SOWAHC: variants seen among roughly 807,000 people sequenced by gnomAD.
SOWAHC encodes the protein ankyrin repeat domain-containing protein SOWAHC.
A neutral mutation model predicts 14.4 loss-of-function variants in SOWAHC; 12 were observed. That is an observed-to-expected ratio of 0.83 (90% confidence interval 0.53 to 1.35). The LOEUF (loss-of-function observed/expected upper bound fraction) is 1.35, where lower values mean the gene tolerates loss of function less well. SOWAHC is among the 40% of genes most tolerant of loss of function. The probability of loss-of-function intolerance (pLI) is 0.00; values close to 1 mark genes in which losing one functional copy is unlikely to be tolerated. For synonymous variants in SOWAHC, 398 were observed against 347.0 expected (o/e 1.15, Z -1.63); for missense variants, 771 against 752.8 (o/e 1.02, Z -0.28).
At position 109,614,723 on chromosome 2, in the gene SOWAHC, C is replaced by T. The variant is rs1381784273; in HGVS notation, c.234C>T (p.His78=). The T allele has an allele frequency of 6.7e-7, 1 of 1,488,882 alleles. No individual in the cohort carries two copies. Among genetic ancestry groups the T allele is most frequent in the Non-Finnish European group, 8.9e-7 (1 of 1,123,976 alleles). The allele number at this position is 1,488,882 out of a possible 1,614,324, so 92.2% of individuals were successfully genotyped here. The change falls in exon 1 of 1, where the codon CAC becomes CAT. Residue 78 remains histidine (H), a synonymous_variant. Transcript: ENST00000356454. ...CCGCCGACGGCGCCAAGTACGTGCA[C>T]CTCAAGAAGAGGTTCTGTGAAGGGC... is the stretch of plus-strand genomic sequence containing the variant. ...VDPADGAKYV[H]LKKRFCEGPS... is the part of the protein sequence containing the mutation.
At position 109,615,939 on chromosome 2, in the gene SOWAHC, A is replaced by G; in HGVS notation, c.1450A>G (p.Thr484Ala). 1 of 1,601,626 alleles carries G rather than the reference A, an allele frequency of 6.2e-7. No individual in the cohort carries two copies. ...KIRFRTQIVH[T>A]TPSFRDPEQP... is the part of the protein sequence containing the mutation. ...CCGATTCAGAACCCAGATCGTCCAC[A>G]CCACACCCTCTTTCAGGGACCCAGA... is the stretch of plus-strand genomic sequence containing the variant. The change falls in exon 1 of 1, where the codon ACC becomes GCC. Residue 484 changes from threonine (T) to alanine (A), a missense_variant. Physicochemically the swap from Thr to Ala is moderately conservative, Grantham distance 58 (BLOSUM62 0). Transcript: ENST00000356454.
rs1439592600 is a variant in SOWAHC at position 109,617,314 on chromosome 2, TTTCTATATTTA to T, written c.*1248_*1258del. The stretch of plus-strand genomic sequence containing the variant: ...AGGGAATAGAGAAGAGATGGGACTA[TTTCTATATTTA>T]AATGCTGCTGGCTATTCCTTTGTAT... On this transcript the variant is annotated 3_prime_UTR_variant, in exon 1 of 1. Coordinates refer to ENST00000356454, the MANE Select transcript of SOWAHC (RefSeq NM_023016.4). 1 of 167,106 alleles carries T rather than the reference TTTCTATATTTA, an allele frequency of 6.0e-6. No homozygotes were observed. Among genetic ancestry groups the T allele is most frequent in the Non-Finnish European group, 1.5e-5 (1 of 68,116 alleles). The allele number at this position is 167,106 out of a possible 1,614,324, so 10.4% of individuals were successfully genotyped here.
In SOWAHC at chr2:109,614,998, C is replaced by T; in HGVS notation, c.509C>T (p.Pro170Leu). 3 of 1,543,404 alleles carry T rather than the reference C, an allele frequency of 1.9e-6. No homozygotes were observed. The highest frequency in any genetic ancestry group is 2.4e-5 in the South Asian group (2 of 83,902). Residue 170 changes from proline (P) to leucine (L), a missense_variant, in exon 1 of 1, where the codon CCG (proline) becomes CTG (leucine). Pro to Leu is a moderately conservative substitution (Grantham distance 98, BLOSUM62 -3). Transcript: ENST00000356454. ...CAGCCCCTACCGCGGACTCCAGCCC[C>T]GGGGCCCAGCGAGGACCTGGAGCTC... is the stretch of plus-strand genomic sequence containing the variant. ...DVQPLPRTPA[P>L]GPSEDLELPP...
At position 109,615,693 on chromosome 2, in the gene SOWAHC, G is replaced by C. The variant is rs1273919844; in HGVS notation, c.1204G>C (p.Gly402Arg). 3 of 1,613,874 alleles carry C rather than the reference G, an allele frequency of 1.9e-6. No homozygotes were observed. The highest frequency in any genetic ancestry group is 2.5e-6 in the Non-Finnish European group (3 of 1,179,964). Reference sequence around the variant, plus strand: ...GGTGGGAGCCCTGGACGAGGGTGACGGGGAAAGCGCCGCGGGTAGCGGCGG... The same window carrying C: ...GGTGGGAGCCCTGGACGAGGGTGACCGGGAAAGCGCCGCGGGTAGCGGCGG... Reference protein sequence around the residue: ...NLVGALDEGDGESAAGSGGGR... With the variant: ...NLVGALDEGDRESAAGSGGGR... The change falls in exon 1 of 1, where the codon GGG (glycine) becomes CGG (arginine). Residue 402 changes from glycine to arginine, a missense_variant. By Grantham distance (125) the Gly-to-Arg change is moderately radical. Coordinates refer to ENST00000356454, the MANE Select transcript of SOWAHC (RefSeq NM_023016.4).
rs1700120043 is a variant in SOWAHC, at chr2:109,615,706, C to T, written c.1217C>T (p.Ala406Val). 1.2e-6 allele frequency: 2 copies of T among 1,613,450 alleles called. No homozygotes were observed. The highest frequency in any genetic ancestry group is 1.7e-6 in the Non-Finnish European group (2 of 1,179,696). ...GACGAGGGTGACGGGGAAAGCGCCGCGGGTAGCGGCGGCGGGCGCTGGAGG... is the reference window on the plus strand; with the variant it reads ...GACGAGGGTGACGGGGAAAGCGCCGTGGGTAGCGGCGGCGGGCGCTGGAGG... Reference protein sequence around the residue: ...ALDEGDGESAAGSGGGRWRLS... With the variant: ...ALDEGDGESAVGSGGGRWRLS... Residue 406 changes from alanine to valine, a missense_variant, in exon 1 of 1, where the codon GCG becomes GTG. Transcript: ENST00000356454.
chr2:109,614,508 T>A lies in SOWAHC; in HGVS notation c.19T>A (p.Trp7Arg). ...GTCGAGGATGGAGGGGCCGGCAGAG[T>A]GGGGCCCCGAGGCGGCGCTGGGCCC... is the stretch of plus-strand genomic sequence containing the variant. MEGPAE[W>R]GPEAALGPEA... The change falls in exon 1 of 1, where the codon TGG (tryptophan) becomes AGG (arginine). Residue 7 changes from tryptophan (W) to arginine (R), a missense_variant. Transcript: ENST00000356454. The A allele has an allele frequency of 1.6e-6, 2 of 1,257,464 alleles. No individual in the cohort carries two copies. Among genetic ancestry groups the A allele is most frequent in the Non-Finnish European group, 2.0e-6 (2 of 1,006,986 alleles). 77.9% of individuals were successfully genotyped at this position (1,257,464 alleles called of 1,614,324 possible). A position where few individuals can be genotyped will look rare whatever the true frequency, so the allele number is the denominator to read the frequency against.
In SOWAHC at chr2:109,616,187, G is replaced by A. The variant is rs1175790103; in HGVS notation, c.*120G>A. On this transcript the variant is annotated 3_prime_UTR_variant, in exon 1 of 1. Coordinates refer to ENST00000356454, the MANE Select transcript of SOWAHC (RefSeq NM_023016.4). ...TTATGCATTCTTACTTGAGGGATCG[G>A]AATGGATGGGGCGGAGTTCTCTTCA... The A allele has an allele frequency of 8.7e-6, 12 of 1,374,526 alleles. No homozygotes were observed. Among genetic ancestry groups the A allele is most frequent in the Non-Finnish European group, 1.1e-5 (12 of 1,061,628 alleles). The allele number at this position is 1,374,526 out of a possible 1,614,324, so 85.1% of individuals were successfully genotyped here.
chr2:109,616,219 C>G lies in SOWAHC; in HGVS notation c.*152C>G. The G allele has an allele frequency of 1.6e-6, 2 of 1,237,546 alleles. No individual in the cohort carries two copies. The highest frequency in any genetic ancestry group is 2.1e-6 in the Non-Finnish European group (2 of 958,226). The allele number at this position is 1,237,546 out of a possible 1,614,324, so 76.7% of individuals were successfully genotyped here. ...TGGGGCGGAGTTCTCTTCAGGCTAG[C>G]CTTCTGGGAAAAGTGGATGTCTTTT... On this transcript the variant is annotated 3_prime_UTR_variant, in exon 1 of 1. Transcript: ENST00000356454.
At position 109,615,222 on chromosome 2, in the gene SOWAHC, G is replaced by C. The variant is rs1482980256; in HGVS notation, c.733G>C (p.Ala245Pro). ...RGRGGGDSDS[A>P]SVASSSAEEE... ...CAGAGGCGGGGGCGACTCAGACAGCGCATCGGTGGCCTCGTCGTCCGCGGA... is the reference window on the plus strand; with the variant it reads ...CAGAGGCGGGGGCGACTCAGACAGCCCATCGGTGGCCTCGTCGTCCGCGGA... Residue 245 changes from alanine to proline, a missense_variant, in exon 1 of 1, where the codon GCA (alanine) becomes CCA (proline). Transcript: ENST00000356454. 3.2e-6 allele frequency: 5 copies of C among 1,546,686 alleles called. No individual in the cohort carries two copies. Among genetic ancestry groups the C allele is most frequent in the Non-Finnish European group, 4.4e-6 (5 of 1,146,724 alleles).
At position 109,614,807 on chromosome 2, in the gene SOWAHC, C is replaced by T. The variant is rs1700030193; in HGVS notation, c.318C>T (p.Pro106=). ...AGGTGACCGCCGAGCCCGAGGCCCCCGACGGCCCTGCCGGGCCCGAGGCGC... is the reference window on the plus strand; with the variant it reads ...AGGTGACCGCCGAGCCCGAGGCCCCTGACGGCCCTGCCGGGCCCGAGGCGC... The part of the protein sequence containing the change: ...RIQVTAEPEA[P]DGPAGPEARD... The change falls in exon 1 of 1, where the codon CCC becomes CCT. Residue 106 remains proline, a synonymous_variant. Coordinates refer to ENST00000356454, the MANE Select transcript of SOWAHC (RefSeq NM_023016.4). 3 of 1,465,900 alleles carry T rather than the reference C, an allele frequency of 2.0e-6. No homozygotes were observed. The highest frequency in any genetic ancestry group is 2.7e-6 in the Non-Finnish European group (3 of 1,114,354). 90.8% of individuals were successfully genotyped at this position (1,465,900 alleles called of 1,614,324 possible).
rs963851286 is a variant in SOWAHC at position 109,618,598 on chromosome 2, T to G, written c.*2531T>G. ...GCATTTTCGGCTACTTAACTTTACATTCCTCTTATTTTTCAGTTTCCAGTC... is the reference window on the plus strand; with the variant it reads ...GCATTTTCGGCTACTTAACTTTACAGTCCTCTTATTTTTCAGTTTCCAGTC... On this transcript the variant is annotated 3_prime_UTR_variant, in exon 1 of 1. Transcript: ENST00000356454. 2 of 167,048 alleles carry G rather than the reference T, an allele frequency of 1.2e-5. No individual in the cohort carries two copies. Among genetic ancestry groups the G allele is most frequent in the African/African-American group, 4.8e-5 (2 of 41,470 alleles). The allele number at this position is 167,048 out of a possible 1,614,324, so 10.3% of individuals were successfully genotyped here.
At position 109,615,692 on chromosome 2, in the gene SOWAHC, C is replaced by T. The variant is rs370748812; in HGVS notation, c.1203C>T (p.Asp401=). ...TGGTGGGAGCCCTGGACGAGGGTGA[C>T]GGGGAAAGCGCCGCGGGTAGCGGCG... The part of the protein sequence containing the change: ...KNLVGALDEG[D]GESAAGSGGG... The change falls in exon 1 of 1, where the codon GAC becomes GAT. Residue 401 remains aspartate, a synonymous_variant. Coordinates refer to ENST00000356454, the MANE Select transcript of SOWAHC (RefSeq NM_023016.4). 1.1e-5 allele frequency: 17 copies of T among 1,613,824 alleles called. No individual in the cohort carries two copies. The highest frequency in any genetic ancestry group is 1.4e-5 in the Non-Finnish European group (16 of 1,179,938).
Position 109,614,637 on chromosome 2 carries a change from G to C in SOWAHC, c.148G>C (p.Ala50Pro). The C allele has an allele frequency of 6.8e-7, 1 of 1,463,886 alleles. No homozygotes were observed. The highest frequency in any genetic ancestry group is 9.0e-7 in the Non-Finnish European group (1 of 1,110,898). 90.7% of individuals were successfully genotyped at this position (1,463,886 alleles called of 1,614,324 possible). A position where few individuals can be genotyped will look rare whatever the true frequency, so the allele number is the denominator to read the frequency against. The change falls in exon 1 of 1, where the codon GCC becomes CCC. Residue 50 changes from alanine to proline, a missense_variant. Ala to Pro is a conservative substitution (Grantham distance 27). Coordinates refer to ENST00000356454, the MANE Select transcript of SOWAHC (RefSeq NM_023016.4). The part of the protein sequence containing the change: ...GALGGEPEQR[A>P]RARAHFKELV... ...CCTAGGCGGCGAACCGGAGCAGCGC[G>C]CCCGCGCCCGCGCGCACTTCAAGGA...
chr2:109,615,682 A>G lies in SOWAHC; in HGVS notation c.1193A>G (p.Asp398Gly). Residue 398 changes from aspartate to glycine, a missense_variant, in exon 1 of 1, where the codon GAC becomes GGC. By Grantham distance (94) the Asp-to-Gly change is moderately conservative. Coordinates refer to ENST00000356454, the MANE Select transcript of SOWAHC (RefSeq NM_023016.4). ...EEIKNLVGALDEGDGESAAGS... is the reference protein window; with the variant it reads ...EEIKNLVGALGEGDGESAAGS... ...ATCAAGAACCTGGTGGGAGCCCTGG[A>G]CGAGGGTGACGGGGAAAGCGCCGCG... 1.9e-6 allele frequency: 3 copies of G among 1,613,950 alleles called. No individual in the cohort carries two copies. The highest frequency in any genetic ancestry group is 4.5e-5 in the East Asian group (2 of 44,846).
In SOWAHC at chr2:109,617,205, C is replaced by G. The variant is rs1349808596; in HGVS notation, c.*1138C>G. On this transcript the variant is annotated 3_prime_UTR_variant, in exon 1 of 1. Coordinates refer to ENST00000356454, the MANE Select transcript of SOWAHC (RefSeq NM_023016.4). ...AAAATGCTAAACTTAATTTTCCAAG[C>G]TTTTCTTGACAATTAGATACCTATC... The G allele has an allele frequency of 6.0e-6, 1 of 166,638 alleles. No homozygotes were observed. The highest frequency in any genetic ancestry group is 1.5e-5 in the Non-Finnish European group (1 of 68,104). 10.3% of individuals were successfully genotyped at this position (166,638 alleles called of 1,614,324 possible). A position where few individuals can be genotyped will look rare whatever the true frequency, so the allele number is the denominator to read the frequency against.
In SOWAHC at chr2:109,614,694, G is replaced by C; in HGVS notation, c.205G>C (p.Asp69His). 1 of 1,487,936 alleles carries C rather than the reference G, an allele frequency of 6.7e-7. No individual in the cohort carries two copies. 92.2% of individuals were successfully genotyped at this position (1,487,936 alleles called of 1,614,324 possible). ...LVNAVATVRV[D>H]PADGAKYVHL... is the part of the protein sequence containing the mutation. ...GAACGCCGTGGCCACTGTGCGCGTC[G>C]ATCCCGCCGACGGCGCCAAGTACGT... Residue 69 changes from aspartate (D) to histidine (H), a missense_variant, in exon 1 of 1, where the codon GAT (aspartate) becomes CAT (histidine). Asp to His is a moderately conservative substitution (Grantham distance 81). Coordinates refer to ENST00000356454, the MANE Select transcript of SOWAHC (RefSeq NM_023016.4).
In SOWAHC at chr2:109,614,963, G is replaced by A. The variant is rs901457397; in HGVS notation, c.474G>A (p.Arg158=). The change falls in exon 1 of 1, where the codon CGG becomes CGA. Residue 158 remains arginine, a synonymous_variant. Coordinates refer to ENST00000356454, the MANE Select transcript of SOWAHC (RefSeq NM_023016.4). ...LSAGARRKNS[R]RDVQPLPRTP... ...CCGGGGCTCGCAGGAAGAACTCGCGGCGCGACGTGCAGCCCCTACCGCGGA... is the reference window on the plus strand; with the variant it reads ...CCGGGGCTCGCAGGAAGAACTCGCGACGCGACGTGCAGCCCCTACCGCGGA... The A allele has an allele frequency of 1.4e-5, 22 of 1,528,104 alleles. No homozygotes were observed. Among genetic ancestry groups the A allele is most frequent in the Non-Finnish European group, 1.8e-5 (20 of 1,141,620 alleles). 94.7% of individuals were successfully genotyped at this position (1,528,104 alleles called of 1,614,324 possible).
At position 109,615,522 on chromosome 2, in the gene SOWAHC, C is replaced by G; in HGVS notation, c.1033C>G (p.Leu345Val). ...DARTSGGYTA[L>V]HLAAMHGHVE... Reference sequence around the variant, plus strand: ...CAGGACGAGCGGGGGTTACACCGCCCTGCACTTGGCAGCCATGCACGGCCA... The same window carrying G: ...CAGGACGAGCGGGGGTTACACCGCCGTGCACTTGGCAGCCATGCACGGCCA... The change falls in exon 1 of 1, where the codon CTG becomes GTG. Residue 345 changes from leucine (L) to valine (V), a missense_variant. By Grantham distance (32) the Leu-to-Val change is conservative. Transcript: ENST00000356454. 6.2e-7 allele frequency: 1 copy of G among 1,613,938 alleles called. No homozygotes were observed. Among genetic ancestry groups the G allele is most frequent in the Non-Finnish European group, 8.5e-7 (1 of 1,180,034 alleles).
chr2:109,615,714 G>A lies in SOWAHC; in HGVS notation c.1225G>A (p.Gly409Ser). 1.2e-6 allele frequency: 2 copies of A among 1,613,632 alleles called. No individual in the cohort carries two copies. The highest frequency in any genetic ancestry group is 8.5e-7 in the Non-Finnish European group (1 of 1,179,746). The change falls in exon 1 of 1, where the codon GGC becomes AGC. Residue 409 changes from glycine (G) to serine (S), a missense_variant. Gly to Ser is a moderately conservative substitution (Grantham distance 56). Coordinates refer to ENST00000356454, the MANE Select transcript of SOWAHC (RefSeq NM_023016.4). ...TGACGGGGAAAGCGCCGCGGGTAGC[G>A]GCGGCGGGCGCTGGAGGCTTTCAAA... ...EGDGESAAGS[G>S]GGRWRLSKVL...
Sources: gnomAD v4.1 joint callset for allele counts on GRCh38, gnomAD v4.1.1 for gene constraint, MANE v1.5 for transcripts, NCBI Gene and HGNC (gene_info 2026-07-23, HGNC 2026-07-21) for gene names.